ROBO2: variants seen among roughly 807,000 people sequenced by gnomAD.
ROBO2 encodes the protein roundabout guidance receptor 2.
In ROBO2, 53 loss-of-function variants were observed where a neutral mutation model predicts 160.8. The ratio of observed to expected loss-of-function variants is 0.33; its 90% confidence interval spans 0.26 to 0.41. ROBO2 has a LOEUF of 0.41. ROBO2 is among the 10% of genes least tolerant of loss of function. The probability of loss-of-function intolerance (pLI) is 1.00; values close to 1 mark genes in which losing one functional copy is unlikely to be tolerated. For synonymous variants in ROBO2, 664 were observed against 611.7 expected (o/e 1.09, Z -1.26); for missense variants, 1,577 against 1,722.4 (o/e 0.92, Z 1.49).
chr3:77,620,553 T>C (rs1388048820), intron 22 of ROBO2, among the ~76,000 whole-genome samples: 1 of 152,218 alleles, frequency 6.6e-6, no homozygotes, highest in Non-Finnish European at 1.5e-5. Context: ...TCTTCCTATT[T>C]TTCAACTAGC....
intron 2 of ROBO2, among the ~76,000 whole-genome samples, chr3:77,134,085 A>G (rs999730240): frequency 1.3e-5 from 2 of 152,142 alleles, no homozygotes; most frequent in African/African-American, 2.4e-5. Flanking sequence ...CTGAGGCAGG[A>G]GAATCTCTTG....
intron 2 of ROBO2, among the ~76,000 whole-genome samples, chr3:76,817,795 T>C (rs2065803567): frequency 6.6e-6 from 1 of 151,784 alleles, no homozygotes; most frequent in South Asian, 2.1e-4. Context: ...CCATTATTCT[T>C]AATGGTTAAT....
chr3:76,125,679 A>G (rs879868613), intron 2 of ROBO2, among the ~76,000 whole-genome samples: 1 of 152,076 alleles, frequency 6.6e-6, no homozygotes, highest in Admixed American at 6.6e-5. Context: ...AACATTTTAA[A>G]GTTAAGATTG....
intron 2 of ROBO2, among the ~76,000 whole-genome samples, chr3:77,271,173 C>T (rs1004522936): frequency 1.3e-5 from 2 of 152,096 alleles, no homozygotes; most frequent in African/African-American, 2.4e-5. Context: ...TGAACACCTA[C>T]TCCGTGCTAG....
chr3:77,230,869 A>G (rs2087090623), intron 2 of ROBO2, among the ~76,000 whole-genome samples: 1 of 152,200 alleles, frequency 6.6e-6, no homozygotes, highest in East Asian at 1.9e-4. Flanking sequence ...CTTTTTATGA[A>G]AATAATTAAC....
chr3:76,273,083 T>C (rs1210103208), intron 2 of ROBO2, among the ~76,000 whole-genome samples: 1 of 96,164 alleles, frequency 1.0e-5, no homozygotes, highest in Non-Finnish European at 1.9e-5. Context: ...AAATATAATA[T>C]ATATAAAATA....
exon 26 of ROBO2, chr3:77,647,422 T>C (rs1464510092): frequency 6.6e-6 from 1 of 152,024 alleles, no homozygotes; most frequent in Non-Finnish European, 1.5e-5. Flanking sequence ...CCATTTTGAA[T>C]AAGGAAATTG....
intron 2 of ROBO2, among the ~76,000 whole-genome samples, chr3:77,310,081 G>A (rs2063413133): frequency 6.6e-6 from 1 of 152,120 alleles, no homozygotes; most frequent in East Asian, 1.9e-4. Context: ...TTCATTCAAA[G>A]TTAGATCCCC....
chr3:76,982,295 T>C (rs954136564), intron 2 of ROBO2, among the ~76,000 whole-genome samples: 1 of 152,222 alleles, frequency 6.6e-6, no homozygotes, highest in African/African-American at 2.4e-5. Context: ...TACATCTACT[T>C]ATACAGTTGT....
chr3:75,929,217 G>C (rs1415270552), intron 1 of ROBO2, among the ~76,000 whole-genome samples: 2 of 149,614 alleles, frequency 1.3e-5, no homozygotes, highest in Non-Finnish European at 1.5e-5. Flanking sequence ...GTGTGTGTTA[G>C]ACTTAAACCG....
intron 2 of ROBO2, among the ~76,000 whole-genome samples, chr3:76,165,995 A>G (rs1359548439): frequency 1.3e-5 from 2 of 152,136 alleles, no homozygotes; most frequent in African/African-American, 4.8e-5. Flanking sequence ...AGTAACATCA[A>G]TGATCACTGA....
At chr3:77,389,128 G>T (rs1465685502) in intron 2 of ROBO2, among the ~76,000 whole-genome samples, 1 of 152,102 alleles carries the variant, frequency 6.6e-6, no homozygotes, top group Admixed American at 6.6e-5. Context: ...GTTTTTAGTA[G>T]AGACAGGGTT....
intron 2 of ROBO2, among the ~76,000 whole-genome samples, chr3:76,396,195 C>T (rs1006889820): frequency 6.6e-6 from 1 of 151,960 alleles, no homozygotes; most frequent in Non-Finnish European, 1.5e-5. Flanking sequence ...TGTAATCCAG[C>T]ATATAAACAG....
intron 2 of ROBO2, among the ~76,000 whole-genome samples, chr3:76,241,344 A>G (rs1705272123): frequency 6.6e-6 from 1 of 152,246 alleles, no homozygotes; most frequent in African/African-American, 2.4e-5. Context: ...GACGATGTCA[A>G]AATCCATCAA....
chr3:77,548,611 A>G (rs1157815620), intron 7 of ROBO2, among the ~76,000 whole-genome samples: 4 of 152,100 alleles, frequency 2.6e-5, no homozygotes, highest in African/African-American at 9.7e-5. Context: ...AATGGTTTCA[A>G]AATAAATAAC....
At chr3:76,025,584 C>T (rs2066715443) in intron 2 of ROBO2, among the ~76,000 whole-genome samples, 2 of 151,700 alleles carry the variant, frequency 1.3e-5, no homozygotes, top group Non-Finnish European at 3.0e-5. Context: ...CTGAGTCTCT[C>T]ATGAGGCTCA....
chr3:77,459,662 AG>A (rs1046480132), intron 2 of ROBO2, among the ~76,000 whole-genome samples: 3 of 152,202 alleles, frequency 2.0e-5, no homozygotes, highest in African/African-American at 7.2e-5. Context: ...TAGTCCTAAC[AG>A]GGGAAACTGA....
At chr3:75,948,145 A>T (rs773305695) in intron 2 of ROBO2, among the ~76,000 whole-genome samples, 6 of 152,086 alleles carry the variant, frequency 3.9e-5, no homozygotes, top group African/African-American at 1.4e-4. Flanking sequence ...CTTAAGCATT[A>T]ATGGGAATAA....
intron 2 of ROBO2, among the ~76,000 whole-genome samples, chr3:76,839,732 G>T (rs2068048923): frequency 6.6e-6 from 1 of 152,210 alleles, no homozygotes; most frequent in African/African-American, 2.4e-5. Flanking sequence ...AACAGTTGGA[G>T]TAGGATTGGT....
Sources: allele counts gnomAD v4.1 joint callset (sites outside exome capture counted in the v4.1 genomes callset), GRCh38; gene constraint gnomAD v4.1.1; transcripts MANE v1.5; gene names NCBI Gene and HGNC (gene_info 2026-07-23, HGNC 2026-07-21).